Variants in SMAD1 observed in about 807,000 individuals in gnomAD.
SMAD1 encodes the protein SMAD family member 1.
In SMAD1, 6 loss-of-function variants were observed where a neutral mutation model predicts 41.6. That is an observed-to-expected ratio of 0.14 (90% confidence interval 0.08 to 0.28). The LOEUF is 0.28. Among genes scored for constraint, SMAD1 ranks in the 10% least tolerant of loss-of-function variants. The pLI is 1.00. For missense variants in SMAD1, 379 were observed against 582.6 expected (o/e 0.65, Z 3.60); for synonymous variants, 206 against 203.2 (o/e 1.01, Z -0.12).
At position 145,558,046 on chromosome 4, in the gene SMAD1, T is replaced by A; in HGVS notation, c.*112T>A. The A allele has an allele frequency of 1.6e-6, 1 of 614,422 alleles. No individual in the cohort carries two copies. The allele number at this position is 614,422 out of a possible 1,614,324, so 38.1% of individuals were successfully genotyped here. A position where few individuals can be genotyped will look rare whatever the true frequency, so the allele number is the denominator to read the frequency against. On this transcript the variant is annotated 3_prime_UTR_variant, in exon 7 of 7. Transcript: ENST00000302085. Reference sequence around the variant, plus strand: ...AAAGGAGCCTTGATAATACTTGACCTCTGTGACCAACTGTTGGATTCAGAA... The same window carrying A: ...AAAGGAGCCTTGATAATACTTGACCACTGTGACCAACTGTTGGATTCAGAA...
At chr4:145,483,040 C>T (rs1408891304) in intron 1 of SMAD1, 5 of 152,166 alleles carry the variant, frequency 3.3e-5, no homozygotes, top group Non-Finnish European at 7.3e-5. Context: ...GATCTCACAG[C>T]TACAGTAGCT....
At chr4:145,517,346 A>G (rs1730469598) in intron 2 of SMAD1, among the ~76,000 whole-genome samples, 2 of 152,120 alleles carry the variant, frequency 1.3e-5, no homozygotes, top group Admixed American at 1.3e-4. Flanking sequence ...TTACTTAATA[A>G]ACTAAGTAAT....
intron 2 of SMAD1, among the ~76,000 whole-genome samples, chr4:145,527,263 G>T (rs544315305): frequency 2.7e-5 from 4 of 146,260 alleles, no homozygotes; most frequent in Admixed American, 7.0e-5. Context: ...TTGCTCTGTC[G>T]CCCAGGCTGG....
chr4:145,546,890 C>T lies in SMAD1; in HGVS notation c.963C>T (p.Ser321=). The change falls in exon 5 of 7, where the codon TCC becomes TCT. Residue 321 remains serine (S), a synonymous_variant. Transcript: ENST00000302085. The part of the protein sequence containing the change: ...LGLLSNVNRN[S]TIENTRRHIG... ...TGCTCTCCAATGTTAACCGGAATTC[C>T]ACTATTGAAAACACCAGGCGGCATA... is the stretch of plus-strand genomic sequence containing the variant. The T allele has an allele frequency of 6.2e-7, 1 of 1,614,120 alleles. No homozygotes were observed. Among genetic ancestry groups the T allele is most frequent in the Non-Finnish European group, 8.5e-7 (1 of 1,179,970 alleles).
At position 145,558,082 on chromosome 4, in the gene SMAD1, A is replaced by AAC; in HGVS notation, c.*149_*150insCA. 5 of 389,536 alleles carry AAC rather than the reference A, an allele frequency of 1.3e-5. No homozygotes were observed. Among genetic ancestry groups the AAC allele is most frequent in the Middle Eastern group, 7.0e-4 (1 of 1,436 alleles). 24.1% of individuals were successfully genotyped at this position (389,536 alleles called of 1,614,324 possible). ...CTGTTGGATTCAGAAATTTAAACAA[A>AAC]AAAAAAAAAAAACACACACACCTTG... On this transcript the variant is annotated 3_prime_UTR_variant, in exon 7 of 7. Transcript: ENST00000302085.
chr4:145,533,737 A>G (rs1310529471), intron 2 of SMAD1, among the ~76,000 whole-genome samples: 5 of 152,190 alleles, frequency 3.3e-5, no homozygotes, highest in African/African-American at 4.8e-5. Context: ...GCAAATAAGG[A>G]AGTTTTTGTA....
chr4:145,516,360 G>A (rs1420743879), intron 2 of SMAD1, among the ~76,000 whole-genome samples: 1 of 152,028 alleles, frequency 6.6e-6, no homozygotes, highest in Non-Finnish European at 1.5e-5. Flanking sequence ...ACCTTGTTAA[G>A]TCCTATGAAA....
chr4:145,502,541 C>CT (rs754650667), intron 1 of SMAD1, among the ~76,000 whole-genome samples: 3 of 152,142 alleles, frequency 2.0e-5, no homozygotes, highest in Non-Finnish European at 4.4e-5. Flanking sequence ...ACCAGGTACT[C>CT]TATTAGCAGC....
At chr4:145,540,197 G>C in intron 3 of SMAD1, 136 bp downstream of exon 3, 1 of 954,106 alleles carries the variant, frequency 1.0e-6, no homozygotes, top group Non-Finnish European at 1.6e-6. Flanking sequence ...CGCACTTTTA[G>C]GATACAACTT....
intron 1 of SMAD1, among the ~76,000 whole-genome samples, chr4:145,488,361 T>A (rs1033201055): frequency 2.0e-5 from 3 of 152,050 alleles, no homozygotes; most frequent in Non-Finnish European, 4.4e-5. Context: ...AATGCTTTAT[T>A]TGTAGTTTCC....
intron 5 of SMAD1, among the ~76,000 whole-genome samples, chr4:145,552,441 T>C (rs1215501745): frequency 6.6e-6 from 1 of 152,228 alleles, no homozygotes; most frequent in Non-Finnish European, 1.5e-5. Flanking sequence ...TATAAAGTCA[T>C]CTTCCATAAT....
At chr4:145,509,479 G>A (rs1578765140) in intron 1 of SMAD1, among the ~76,000 whole-genome samples, 1 of 152,188 alleles carries the variant, frequency 6.6e-6, no homozygotes, top group Non-Finnish European at 1.5e-5. Context: ...GATTTTGGGG[G>A]TATTTGTTTA....
rs962854783 is a variant in SMAD1 at position 145,482,266 on chromosome 4, C to G, written c.-177+228C>G. Among the ~76,000 whole-genome samples, 48 of 147,906 alleles carry G rather than the reference C, an allele frequency of 3.2e-4. No individual in the cohort carries two copies. The highest frequency in any genetic ancestry group is 1.1e-3 in the African/African-American group (46 of 40,586). ...GGCGCCTCCCGTCTGCTCGGAGGAG[C>G]GAACCTGCTACCACGTCTTCTCGCG... On this transcript the variant is annotated intron_variant, in intron 1 of 6. Coordinates refer to ENST00000302085, the MANE Select transcript of SMAD1 (RefSeq NM_005900.3). This position sits in a 1 kb window ranked among gnomAD's most constrained non-coding sequence, Gnocchi z 4.2.
Position 145,504,391 on chromosome 4 carries a change from C to A in SMAD1, c.-176-10047C>A, listed in dbSNP as rs148278954. Among the ~76,000 whole-genome samples the A allele has an allele frequency of 7.1e-3, 1,082 of 152,278 alleles. 5 individuals are homozygous for A. The highest frequency in any genetic ancestry group is 0.033 in the Admixed American group (498 of 15,298). On this transcript the variant is annotated intron_variant, in intron 1 of 6. Transcript: ENST00000302085. ...TTGTAATGGCATTGGACTTGTATAGCAAATTTTAACTTGTCTTTTGCCTGT... is the reference window on the plus strand; with the variant it reads ...TTGTAATGGCATTGGACTTGTATAGAAAATTTTAACTTGTCTTTTGCCTGT...
intron 2 of SMAD1, among the ~76,000 whole-genome samples, chr4:145,527,956 C>CGCCCCG (rs1270733518): frequency 4.0e-5 from 6 of 151,672 alleles, no homozygotes; most frequent in African/African-American, 9.7e-5. Context: ...CACCGCTCCC[C>CGCCCCG]GCCCCGGCCC....
intron 1 of SMAD1, among the ~76,000 whole-genome samples, chr4:145,505,656 AG>A (rs1452176819): frequency 6.6e-6 from 1 of 151,470 alleles, no homozygotes; most frequent in African/African-American, 2.4e-5. Flanking sequence ...AAATTCATGC[AG>A]TTTGCTTATA....
intron 1 of SMAD1, among the ~76,000 whole-genome samples, chr4:145,493,148 A>C (rs1728863511): frequency 6.6e-6 from 1 of 152,178 alleles, no homozygotes; most frequent in South Asian, 2.1e-4. Flanking sequence ...GTGGGTTGTG[A>C]CTGGGAGTAC....
chr4:145,541,889 G>A (rs545507147), intron 3 of SMAD1, among the ~76,000 whole-genome samples: 8 of 152,178 alleles, frequency 5.3e-5, no homozygotes, highest in Non-Finnish European at 1.0e-4. Context: ...GAAAATGCAA[G>A]ACTTGTGTTA....
At chr4:145,535,011 T>A (rs1170932075) in intron 2 of SMAD1, among the ~76,000 whole-genome samples, 2 of 152,114 alleles carry the variant, frequency 1.3e-5, no homozygotes, top group Non-Finnish European at 2.9e-5. Context: ...TTGTTTTTTT[T>A]AATGAAGGAT....
Sources: allele counts gnomAD v4.1 joint callset (sites outside exome capture counted in the v4.1 genomes callset), GRCh38; gene constraint gnomAD v4.1.1; non-coding constraint Gnocchi (gnomAD v3.1); transcripts MANE v1.5; gene names NCBI Gene and HGNC (gene_info 2026-07-23, HGNC 2026-07-21).